The following PRKCE variants were observed in gnomAD, a reference collection of about 807,000 sequenced individuals.
PRKCE encodes protein kinase C epsilon.
In PRKCE, 16 loss-of-function variants were observed where a neutral mutation model predicts 85.4. The ratio of observed to expected loss-of-function variants is 0.19; its 90% CI spans 0.13 to 0.28. PRKCE has a LOEUF of 0.28. PRKCE is among the 10% of genes least tolerant of loss of function. The probability of loss-of-function intolerance (pLI) is 1.00; values close to 1 mark genes in which losing one functional copy is unlikely to be tolerated. For synonymous variants in PRKCE, 388 were observed against 371.5 expected, an observed-to-expected ratio of 1.04 and a Z score of -0.51; for missense variants, 573 against 975.2, an observed-to-expected ratio of 0.59 and a Z score of 5.49.
chr2:46,142,485 A>G (rs1337546514), intron 11 of PRKCE, among the ~76,000 whole-genome samples: 1 of 152,240 alleles, frequency 6.6e-6, no homozygotes, highest in African/African-American at 2.4e-5. Context: ...CAGGAAATAC[A>G]GAGGGGGAAT....
intron 10 of PRKCE, among the ~76,000 whole-genome samples, chr2:46,070,778 A>G (rs1001922064): frequency 1.4e-4 from 22 of 152,204 alleles, no homozygotes; most frequent in Admixed American, 2.6e-4. Context: ...TGGCTGTGCT[A>G]CTTACTAGTT....
intron 2 of PRKCE, among the ~76,000 whole-genome samples, chr2:45,844,550 T>A (rs1691625569): frequency 1.3e-5 from 2 of 152,216 alleles, no homozygotes; most frequent in South Asian, 4.1e-4. Context: ...TGTCCTTGCT[T>A]TTAACATAGA....
At chr2:46,049,175 A>T (rs1708707643) in intron 10 of PRKCE, among the ~76,000 whole-genome samples, 1 of 151,928 alleles carries the variant, frequency 6.6e-6, no homozygotes, top group Non-Finnish European at 1.5e-5. Context: ...GTCCGGGCCC[A>T]TTTTTCCTAG....
intron 6 of PRKCE, among the ~76,000 whole-genome samples, chr2:45,994,152 G>A (rs1704035585): frequency 6.6e-6 from 1 of 152,120 alleles, no homozygotes; most frequent in African/African-American, 2.4e-5. Flanking sequence ...AGTAGTTTTA[G>A]GTTCACAACA....
intron 2 of PRKCE, among the ~76,000 whole-genome samples, chr2:45,853,535 AC>A (rs1330571966): frequency 6.6e-6 from 1 of 152,040 alleles, no homozygotes; most frequent in Admixed American, 6.6e-5. Flanking sequence ...GCTAGAACTT[AC>A]CTCTATGTGA....
rs749158513 is a variant in PRKCE, at chr2:46,007,679, G to A, written c.1263+18G>A. The A allele has an allele frequency of 8.1e-6, 13 of 1,597,854 alleles. No homozygotes were observed. Among genetic ancestry groups the A allele is most frequent in the Non-Finnish European group, 1.1e-5 (13 of 1,178,662 alleles). ...TTGGCAAGGTCTGTGGCACACACGG[G>A]TGGAACTGCTGGTTTTGTTCTACTC... is the stretch of plus-strand genomic sequence containing the variant. On this transcript the variant is annotated intron_variant, in intron 9 of 14. Transcript: ENST00000306156.
At chr2:45,700,705 C>T (rs1354728202) in intron 1 of PRKCE, 1 of 152,174 alleles carries the variant, frequency 6.6e-6, no homozygotes, top group South Asian at 2.1e-4. Context: ...CTTAATCCCC[C>T]CGTACTTCAG....
At chr2:45,795,123 A>C (rs908683651) in intron 1 of PRKCE, among the ~76,000 whole-genome samples, 1 of 152,112 alleles carries the variant, frequency 6.6e-6, no homozygotes, top group African/African-American at 2.4e-5. Context: ...CAGAGACTGC[A>C]GCATCCATGC....
chr2:46,058,725 T>C (rs888664709), intron 10 of PRKCE, among the ~76,000 whole-genome samples: 7 of 141,450 alleles, frequency 4.9e-5, no homozygotes, highest in African/African-American at 2.2e-4. Context: ...AGACAGGGTC[T>C]TGCTCTGTCA....
intron 2 of PRKCE, among the ~76,000 whole-genome samples, chr2:45,904,677 A>G (rs549706054): frequency 3.3e-4 from 50 of 152,158 alleles, no homozygotes; most frequent in Middle Eastern, 3.2e-3. Context: ...TCTCACCAGG[A>G]AGAAAAAGAA....
chr2:45,928,416 C>G (rs1354150676), intron 2 of PRKCE, among the ~76,000 whole-genome samples: 1 of 152,178 alleles, frequency 6.6e-6, no homozygotes, highest in East Asian at 1.9e-4. Flanking sequence ...TACAGGCACA[C>G]ACCACCATGC....
chr2:46,054,293 C>A (rs554671113), intron 10 of PRKCE, among the ~76,000 whole-genome samples: 11 of 152,188 alleles, frequency 7.2e-5, no homozygotes, highest in Non-Finnish European at 1.5e-4. Context: ...AGTGACCTCC[C>A]CATGCTGTGC....
At chr2:45,823,888 A>C (rs1689731898) in intron 1 of PRKCE, among the ~76,000 whole-genome samples, 1 of 152,246 alleles carries the variant, frequency 6.6e-6, no homozygotes, top group African/African-American at 2.4e-5. Flanking sequence ...AGGCCTGCCC[A>C]GAGGCTCGCA....
At chr2:45,727,437 G>A (rs1028276731) in intron 1 of PRKCE, among the ~76,000 whole-genome samples, 2 of 152,160 alleles carry the variant, frequency 1.3e-5, no homozygotes, top group African/African-American at 4.8e-5. Flanking sequence ...CGGAGGACGG[G>A]GTTCAAACTC....
intron 12 of PRKCE, among the ~76,000 whole-genome samples, chr2:46,146,717 C>T (rs1306095907): frequency 2.6e-5 from 4 of 152,098 alleles, no homozygotes; most frequent in East Asian, 1.9e-4. Context: ...TGCCAGGATC[C>T]GGCACACAAA....
chr2:45,764,403 T>A (rs903018484), intron 1 of PRKCE, among the ~76,000 whole-genome samples: 2 of 152,210 alleles, frequency 1.3e-5, no homozygotes, highest in Admixed American at 1.3e-4. Flanking sequence ...AAAGCCAAAA[T>A]GGGATCTTAA....
chr2:45,749,036 T>A (rs1683350063), intron 1 of PRKCE, among the ~76,000 whole-genome samples: 1 of 152,096 alleles, frequency 6.6e-6, no homozygotes, highest in East Asian at 1.9e-4. Flanking sequence ...ATTATAGGCA[T>A]GCACCACCAT....
chr2:45,877,786 G>T (rs570618444), intron 2 of PRKCE, among the ~76,000 whole-genome samples: 2 of 152,176 alleles, frequency 1.3e-5, no homozygotes, highest in African/African-American at 4.8e-5. Context: ...CCCACAGACT[G>T]TTCTTTTTGA....
At chr2:46,028,887 A>C (rs991937164) in intron 10 of PRKCE, among the ~76,000 whole-genome samples, 8 of 152,080 alleles carry the variant, frequency 5.3e-5, no homozygotes, top group African/African-American at 1.7e-4. Context: ...TTTAGCTCTC[A>C]CTTACAAGTG....
Sources: allele counts gnomAD v4.1 joint callset (sites outside exome capture counted in the v4.1 genomes callset), GRCh38; gene constraint gnomAD v4.1.1; transcripts MANE v1.5; gene names NCBI Gene and HGNC (gene_info 2026-07-23, HGNC 2026-07-21).